SLCO3A1: variants seen among roughly 807,000 people sequenced by gnomAD.
SLCO3A1 encodes PGE1 transporter.
In SLCO3A1, 27 loss-of-function variants were observed where a neutral mutation model predicts 63.1. The observed-to-expected ratio is 0.43, with a 90% confidence interval of 0.32 to 0.59. The LOEUF is 0.59. SLCO3A1 is among the 20% of genes least tolerant of loss of function. The pLI, the probability that SLCO3A1 is intolerant of heterozygous loss-of-function variation, is 0.09. For missense variants in SLCO3A1, 773 were observed against 945.8 expected, an observed-to-expected ratio of 0.82 and a Z score of 2.40; for synonymous variants, 473 against 409.9, an observed-to-expected ratio of 1.15 and a Z score of -1.86.
intron 2 of SLCO3A1, among the ~76,000 whole-genome samples, chr15:91,977,623 G>A (rs145796750): frequency 1.6e-3 from 245 of 152,276 alleles, no homozygotes; most frequent in African/African-American, 5.4e-3. Flanking sequence ...GACATTGGGA[G>A]GTGGGTGAGG....
At chr15:92,079,465 C>G (rs1234373272) in intron 2 of SLCO3A1, among the ~76,000 whole-genome samples, 9 of 152,388 alleles carry the variant, frequency 5.9e-5, no homozygotes, top group Admixed American at 2.6e-4. Flanking sequence ...AGACGGCCAG[C>G]TTCTCACTGT....
chr15:91,944,582 C>T (rs932722266), intron 2 of SLCO3A1, among the ~76,000 whole-genome samples: 9 of 152,100 alleles, frequency 5.9e-5, no homozygotes, highest in African/African-American at 2.2e-4. Flanking sequence ...CAGCCATGGA[C>T]AAGCAGACAG....
At chr15:92,130,905 A>C (rs1303901588) in intron 7 of SLCO3A1, among the ~76,000 whole-genome samples, 7 of 151,594 alleles carry the variant, frequency 4.6e-5, no homozygotes, top group Non-Finnish European at 1.0e-4. Flanking sequence ...AAAAAAAAAA[A>C]AAAACTCTTT....
At chr15:91,971,562 G>T (rs924096690) in intron 2 of SLCO3A1, among the ~76,000 whole-genome samples, 22 of 152,030 alleles carry the variant, frequency 1.4e-4, no homozygotes, top group Non-Finnish European at 2.9e-4. Context: ...GAGCTGTCTA[G>T]TGTTCCTAAG....
rs561987271 is a variant in SLCO3A1 at position 91,948,087 on chromosome 15, A to C, written c.646+31629A>C. On this transcript the variant is annotated intron_variant, in intron 2 of 9. Transcript: ENST00000318445. The surrounding 1 kb of genome is among the most constrained non-coding windows in gnomAD (Gnocchi z 4.8). ...ACGAATGGAGATAAAATAGAGATTG[A>C]CTTCTGCATTCCTTGCTCAGCTTTC... 1.3e-5 allele frequency among the ~76,000 whole-genome samples: 2 copies of C among 152,276 alleles called. No individual in the cohort carries two copies. Among genetic ancestry groups the C allele is most frequent in the South Asian group, 2.1e-4 (1 of 4,828 alleles).
At chr15:91,855,611 T>C (rs1896897830) in intron 1 of SLCO3A1, among the ~76,000 whole-genome samples, 1 of 152,210 alleles carries the variant, frequency 6.6e-6, no homozygotes. Flanking sequence ...CAGTACCTAT[T>C]AGCCCTTGGA....
At chr15:92,148,755 T>G (rs547512111) in intron 8 of SLCO3A1, 2 of 152,298 alleles carry the variant, frequency 1.3e-5, no homozygotes, top group South Asian at 4.1e-4. Flanking sequence ...AAGAGCTCAA[T>G]GCAGACAAAT....
At chr15:91,911,050 T>C (rs1898469052) in intron 1 of SLCO3A1, among the ~76,000 whole-genome samples, 1 of 152,248 alleles carries the variant, frequency 6.6e-6, no homozygotes, top group South Asian at 2.1e-4. Context: ...TCATGAATAC[T>C]TGGCCGTGGC....
chr15:91,974,645 G>T (rs937383810), intron 2 of SLCO3A1, among the ~76,000 whole-genome samples: 1 of 152,122 alleles, frequency 6.6e-6, no homozygotes. Flanking sequence ...AGACCACAGG[G>T]AACTCCCCAG....
chr15:92,168,278 G>A (rs1190350135), downstream of SLCO3A1, among the ~76,000 whole-genome samples: 1 of 152,218 alleles, frequency 6.6e-6, no homozygotes, highest in African/African-American at 2.4e-5. Context: ...AGCAGTGGGT[G>A]ACTTTTGGGG....
At chr15:91,909,721 C>G (rs1898423783) in intron 1 of SLCO3A1, among the ~76,000 whole-genome samples, 1 of 152,208 alleles carries the variant, frequency 6.6e-6, no homozygotes, top group Non-Finnish European at 1.5e-5. Flanking sequence ...GCATCCTGCT[C>G]TCACCCTTCA....
chr15:92,130,562 C>G (rs905342634), intron 7 of SLCO3A1, among the ~76,000 whole-genome samples: 2 of 152,244 alleles, frequency 1.3e-5, no homozygotes, highest in East Asian at 1.9e-4. Context: ...CAATGCTTAT[C>G]CTGGAAAGGG....
chr15:91,913,628 GAA>G (rs1204762281), intron 1 of SLCO3A1, among the ~76,000 whole-genome samples: 2 of 152,278 alleles, frequency 1.3e-5, no homozygotes, highest in South Asian at 2.1e-4. Context: ...ACGGGAAATT[GAA>G]TAGAAGCATG....
chr15:92,095,187 T>C (rs2047523590), intron 3 of SLCO3A1, among the ~76,000 whole-genome samples: 1 of 152,218 alleles, frequency 6.6e-6, no homozygotes, highest in South Asian at 2.1e-4. Flanking sequence ...TGCCAACATC[T>C]ACCTAGAGGC....
chr15:92,054,049 C>A (rs1367486833), intron 2 of SLCO3A1, among the ~76,000 whole-genome samples: 1 of 152,198 alleles, frequency 6.6e-6, no homozygotes, highest in Non-Finnish European at 1.5e-5. Flanking sequence ...GTTATTGATT[C>A]TGTCAGTATA....
intron 3 of SLCO3A1, among the ~76,000 whole-genome samples, chr15:92,101,968 T>G (rs1397296761): frequency 6.6e-6 from 1 of 152,124 alleles, no homozygotes; most frequent in Admixed American, 6.5e-5. Flanking sequence ...TCGCCATCCC[T>G]CTCCCTGGGT....
intron 8 of SLCO3A1, 64 bp from the exon 9 acceptor site, chr15:92,150,886 C>CTGTT: frequency 1.7e-6 from 2 of 1,171,366 alleles, no homozygotes. Flanking sequence ...ACTCTGGGGT[C>CTGTT]TGTTAATTAC....
intron 1 of SLCO3A1, among the ~76,000 whole-genome samples, chr15:91,903,053 G>A (rs1003082884): frequency 5.9e-5 from 9 of 152,224 alleles, no homozygotes; most frequent in African/African-American, 2.2e-4. Flanking sequence ...AGCAAGGGCA[G>A]GGACTGTATC....
rs7163819 is a variant in SLCO3A1 at position 91,856,586 on chromosome 15, C to T, written c.180+2498C>T. On this transcript the variant is annotated intron_variant, in intron 1 of 9. Coordinates refer to ENST00000318445, the MANE Select transcript of SLCO3A1 (RefSeq NM_013272.4). This position sits in a 1 kb window ranked among gnomAD's most constrained non-coding sequence, Gnocchi z 4.9. ...TTGCAGGCTGTTTGCAGGAAAGGCA[C>T]ATTTCTTCCTTTTAATTCATCATGG... 0.024 allele frequency among the ~76,000 whole-genome samples: 3,640 copies of T among 152,252 alleles called. 140 individuals are homozygous for T. Among genetic ancestry groups the T allele is most frequent in the African/African-American group, 0.083 (3,429 of 41,528 alleles).
Sources: gnomAD v4.1 joint callset for allele counts (sites outside exome capture counted in the v4.1 genomes callset) on GRCh38, gnomAD v4.1.1 for gene constraint, Gnocchi (gnomAD v3.1) non-coding constraint, MANE v1.5 for transcripts, NCBI Gene and HGNC (gene_info 2026-07-23, HGNC 2026-07-21) for gene names.